KATNAL2: variants seen among roughly 807,000 people sequenced by gnomAD.
KATNAL2 encodes katanin catalytic subunit A1 like 2.
KATNAL2 carries 52 observed loss-of-function variants against 76.3 expected under a neutral mutation model. The ratio of observed to expected loss-of-function variants is 0.68; its 90% CI spans 0.55 to 0.86. The LOEUF is 0.86. Among genes scored for constraint, KATNAL2 ranks in the 40% least tolerant of loss-of-function variants. KATNAL2 has a pLI of 0.00. For missense variants in KATNAL2, 660 were observed against 668.9 expected, an observed-to-expected ratio of 0.99 and a Z score of 0.15; for synonymous variants, 243 against 244.2, an observed-to-expected ratio of 1.00 and a Z score of 0.05.
intron 3 of KATNAL2, among the ~76,000 whole-genome samples, chr18:46,958,853 T>G (rs1331049718): frequency 6.6e-6 from 1 of 152,228 alleles, no homozygotes; most frequent in African/African-American, 2.4e-5. Context: ...GATCCACACA[T>G]TCATGTGTAT....
chr18:46,917,602 A>C lies in KATNAL2; in HGVS notation c.-834A>C, dbSNP rs2058138803. On this transcript the variant is annotated 5_prime_UTR_variant, in exon 1 of 18. Transcript: ENST00000683218. ...GCGACCGCCTTCCGCCCGCGCCTTCAGTCCGCGCGGCGACAGCGCCCGCCC... is the reference window on the plus strand; with the variant it reads ...GCGACCGCCTTCCGCCCGCGCCTTCCGTCCGCGCGGCGACAGCGCCCGCCC... 2.0e-6 allele frequency: 2 copies of C among 1,008,900 alleles called. No individual in the cohort carries two copies. Among genetic ancestry groups the C allele is most frequent in the Non-Finnish European group, 1.2e-6 (1 of 840,344 alleles). The allele number at this position is 1,008,900 out of a possible 1,614,324, so 62.5% of individuals were successfully genotyped here.
At chr18:47,075,233 T>A (rs768650957) in intron 13 of KATNAL2, 44 bp from the exon 14 acceptor site, 1 of 1,485,302 alleles carries the variant, frequency 6.7e-7, no homozygotes, top group African/African-American at 1.5e-5. Context: ...CTGAGGACTT[T>A]AAGTCTATAA....
intron 11 of KATNAL2, among the ~76,000 whole-genome samples, chr18:47,068,420 T>G (rs72903247): frequency 0.017 from 2,643 of 152,318 alleles, 35 homozygotes; most frequent in African/African-American, 0.024. Flanking sequence ...ACACTAGTGT[T>G]CAGAATTAAT....
At chr18:46,960,230 G>A (rs996886094) in intron 3 of KATNAL2, among the ~76,000 whole-genome samples, 7 of 152,056 alleles carry the variant, frequency 4.6e-5, no homozygotes, top group African/African-American at 1.7e-4. Flanking sequence ...TGAAGGTCAG[G>A]CATTTGAGAC....
chr18:47,086,647 A>G (rs551121306), intron 15 of KATNAL2, among the ~76,000 whole-genome samples: 1 of 152,302 alleles, frequency 6.6e-6, no homozygotes, highest in East Asian at 1.9e-4. Flanking sequence ...TTTTGTGCCT[A>G]CTAGTGGTCA....
intron 3 of KATNAL2, among the ~76,000 whole-genome samples, chr18:47,039,055 C>A (rs988129916): frequency 6.6e-6 from 1 of 152,108 alleles, no homozygotes; most frequent in Non-Finnish European, 1.5e-5. Flanking sequence ...GTGTGATAAC[C>A]AGTTCTTTTA....
At chr18:46,922,081 TA>T (rs1249221671) in intron 1 of KATNAL2, among the ~76,000 whole-genome samples, 2 of 150,142 alleles carry the variant, frequency 1.3e-5, no homozygotes, top group Admixed American at 6.6e-5. Context: ...AACAAGGAAT[TA>T]AAAAAAAATT....
intron 15 of KATNAL2, chr18:47,098,632 A>T (rs1291386182): frequency 6.5e-6 from 1 of 154,762 alleles, no homozygotes; most frequent in African/African-American, 2.4e-5. Context: ...AAATCACATA[A>T]ACTTGGCCTG....
At chr18:46,960,248 A>G (rs2059895352) in intron 3 of KATNAL2, among the ~76,000 whole-genome samples, 9 of 152,030 alleles carry the variant, frequency 5.9e-5, no homozygotes, top group Admixed American at 5.9e-4. Flanking sequence ...GACTAATCTC[A>G]CCAACATGGT....
At chr18:46,952,927 C>T (rs1222448905) in intron 3 of KATNAL2, among the ~76,000 whole-genome samples, 1 of 130,512 alleles carries the variant, frequency 7.7e-6, no homozygotes, top group African/African-American at 2.9e-5. Flanking sequence ...CGGAGTCTCG[C>T]TCTGTTGCCG....
chr18:46,930,412 A>G (rs1386545307), intron 1 of KATNAL2, among the ~76,000 whole-genome samples: 3 of 152,232 alleles, frequency 2.0e-5, no homozygotes, highest in Admixed American at 6.5e-5. Flanking sequence ...AGATTCCAGA[A>G]CAGAACCTTC....
intron 3 of KATNAL2, among the ~76,000 whole-genome samples, chr18:46,959,490 CA>C (rs1350336476): frequency 6.6e-6 from 1 of 152,162 alleles, no homozygotes; most frequent in Non-Finnish European, 1.5e-5. Context: ...TGAGAATATA[CA>C]GACATAAATT....
At chr18:46,937,750 A>C (rs981068743) in intron 1 of KATNAL2, among the ~76,000 whole-genome samples, 1 of 152,174 alleles carries the variant, frequency 6.6e-6, no homozygotes, top group Non-Finnish European at 1.5e-5. Flanking sequence ...ATCGTGAAAA[A>C]ATGAAAACTG....
intron 10 of KATNAL2, among the ~76,000 whole-genome samples, chr18:47,065,036 T>C (rs1445907858): frequency 6.6e-6 from 1 of 152,182 alleles, no homozygotes; most frequent in Non-Finnish European, 1.5e-5. Context: ...GTAATAAGAA[T>C]GTGAGTGGCT....
intron 3 of KATNAL2, among the ~76,000 whole-genome samples, chr18:47,045,904 C>T (rs1334160526): frequency 1.3e-5 from 2 of 152,208 alleles, no homozygotes; most frequent in African/African-American, 4.8e-5. Context: ...AAGACCTTAT[C>T]ATACAGGAGT....
rs1053507338 is a variant in KATNAL2 at position 46,924,635 on chromosome 18, G to C, written c.-510+6709G>C. 1.6e-4 allele frequency among the ~76,000 whole-genome samples: 24 copies of C among 152,092 alleles called. 1 individual carries two copies. Among genetic ancestry groups the C allele is most frequent in the Admixed American group, 1.5e-3 (23 of 15,244 alleles). On this transcript the variant is annotated intron_variant, in intron 1 of 17. Coordinates refer to ENST00000683218, the MANE Select transcript of KATNAL2 (RefSeq NM_001387690.1). Reference sequence around the variant, plus strand: ...GAAGAAAGTCATTGATAGCTTGATGGGGAAGGCATTGAATCTATAAATTAC... The same window carrying C: ...GAAGAAAGTCATTGATAGCTTGATGCGGAAGGCATTGAATCTATAAATTAC...
rs1318745241 is a variant in KATNAL2 at position 47,101,949 on chromosome 18, C to A, written c.*944C>A. 1 of 152,164 alleles carries A rather than the reference C, an allele frequency of 6.6e-6. No individual in the cohort carries two copies. The highest frequency in any genetic ancestry group is 2.4e-5 in the African/African-American group (1 of 41,434). 9.4% of individuals were successfully genotyped at this position (152,164 alleles called of 1,614,324 possible). On this transcript the variant is annotated 3_prime_UTR_variant, in exon 18 of 18. Transcript: ENST00000683218. ...AGGCTTCTACTAAGTAATGCCACTTCTTTTCCCCCACTAGAACTTACCTAT... is the reference window on the plus strand; with the variant it reads ...AGGCTTCTACTAAGTAATGCCACTTATTTTCCCCCACTAGAACTTACCTAT...
chr18:46,947,273 T>C (rs1356461554), intron 3 of KATNAL2, among the ~76,000 whole-genome samples: 1 of 152,176 alleles, frequency 6.6e-6, no homozygotes, highest in Non-Finnish European at 1.5e-5. Context: ...AATTAGATTG[T>C]TGAAAGACAG....
intron 15 of KATNAL2, chr18:47,098,072 G>A (rs1004523835): frequency 6.4e-6 from 1 of 157,338 alleles, no homozygotes; most frequent in African/African-American, 2.4e-5. Context: ...AGCAAGAATA[G>A]GTAGATAGAG....
Sources: gnomAD v4.1 joint callset for allele counts (sites outside exome capture counted in the v4.1 genomes callset) on GRCh38, gnomAD v4.1.1 for gene constraint, MANE v1.5 for transcripts, NCBI Gene and HGNC (gene_info 2026-07-23, HGNC 2026-07-21) for gene names.